Variants in DPYD observed in about 807,000 individuals in gnomAD.
DPYD encodes the protein dihydropyrimidine dehydrogenase [NADP(+)].
In DPYD, 109 loss-of-function variants were observed where a neutral mutation model predicts 116.2. The ratio of observed to expected loss-of-function variants is 0.94; its 90% confidence interval spans 0.80 to 1.10. The LOEUF (loss-of-function observed/expected upper bound fraction) is 1.10, where lower values mean the gene tolerates loss of function less well. Ranked by LOEUF, DPYD falls within the 50% of genes least tolerant of loss-of-function variation. DPYD has a pLI of 0.00. For synonymous variants in DPYD, 440 were observed against 432.0 expected, an observed-to-expected ratio of 1.02 and a Z score of -0.23; for missense variants, 1,302 against 1,254.5, an observed-to-expected ratio of 1.04 and a Z score of -0.57.
intron 8 of DPYD, among the ~76,000 whole-genome samples, chr1:97,603,460 G>C (rs977509853): frequency 1.3e-5 from 2 of 151,738 alleles, no homozygotes; most frequent in African/African-American, 2.4e-5. Context: ...TATCTCCATC[G>C]ACATACATAA....
chr1:97,495,001 G>A (rs961906200), intron 13 of DPYD, among the ~76,000 whole-genome samples: 4 of 152,178 alleles, frequency 2.6e-5, no homozygotes, highest in South Asian at 2.1e-4. Flanking sequence ...AGTAATGAGC[G>A]GCCTGCGCAT....
At chr1:97,278,153 G>A (rs1475834505) in intron 18 of DPYD, among the ~76,000 whole-genome samples, 1 of 152,144 alleles carries the variant, frequency 6.6e-6, no homozygotes, top group Non-Finnish European at 1.5e-5. Flanking sequence ...TCTCTTGATT[G>A]CAGCTTAATA....
chr1:97,883,425 G>A lies in DPYD; in HGVS notation c.40-51C>T, dbSNP rs778745726. On this transcript the variant is annotated intron_variant, in intron 1 of 22. Coordinates refer to ENST00000370192, the MANE Select transcript of DPYD (RefSeq NM_000110.4). ...AATATATGGAAATATGTTGGCATTT[G>A]TTTAAACTTATTTTTATTTTATTTT... 1.2e-5 allele frequency: 15 copies of A among 1,274,630 alleles called. No homozygotes were observed. The Admixed American group carries it at 1.7e-4, about 15-fold the overall frequency. The allele number at this position is 1,274,630 out of a possible 1,614,324, so 79.0% of individuals were successfully genotyped here. A position where few individuals can be genotyped will look rare whatever the true frequency, so the allele number is the denominator to read the frequency against.
chr1:97,816,824 A>C (rs1668633372), intron 3 of DPYD, among the ~76,000 whole-genome samples: 1 of 152,196 alleles, frequency 6.6e-6, no homozygotes, highest in African/African-American at 2.4e-5. Context: ...AATGTGACTT[A>C]TTCAATTTCA....
intron 20 of DPYD, among the ~76,000 whole-genome samples, chr1:97,121,874 A>G (rs901059734): frequency 1.3e-5 from 2 of 152,172 alleles, no homozygotes; most frequent in Admixed American, 6.6e-5. Context: ...CCATTATAGC[A>G]TAGGTACCAT....
At chr1:97,100,743 T>G (rs891440613) in intron 20 of DPYD, among the ~76,000 whole-genome samples, 2 of 152,112 alleles carry the variant, frequency 1.3e-5, no homozygotes, top group Non-Finnish European at 2.9e-5. Flanking sequence ...AGACAATGAA[T>G]GTAGTTAAAT....
At chr1:97,848,214 C>T (rs1670400863) in intron 2 of DPYD, among the ~76,000 whole-genome samples, 1 of 152,182 alleles carries the variant, frequency 6.6e-6, no homozygotes, top group African/African-American at 2.4e-5. Context: ...TCTCCTGCCT[C>T]AGCCTCCCTA....
chr1:97,360,904 C>T (rs1670687415), intron 16 of DPYD, among the ~76,000 whole-genome samples: 1 of 151,952 alleles, frequency 6.6e-6, no homozygotes, highest in Non-Finnish European at 1.5e-5. Flanking sequence ...ACTAGAGAAG[C>T]AAGAGCAAAC....
intron 13 of DPYD, among the ~76,000 whole-genome samples, chr1:97,453,482 C>G (rs1676527011): frequency 6.6e-6 from 1 of 151,950 alleles, no homozygotes; most frequent in African/African-American, 2.4e-5. Flanking sequence ...GAAATTTCAC[C>G]TATAACTAAT....
chr1:97,597,475 T>C (rs1654964697), intron 8 of DPYD, among the ~76,000 whole-genome samples: 1 of 152,184 alleles, frequency 6.6e-6, no homozygotes, highest in African/African-American at 2.4e-5. Context: ...TTGTATAAGT[T>C]CCTGTGAATC....
At chr1:97,287,202 G>GT (rs1378539951) in intron 18 of DPYD, among the ~76,000 whole-genome samples, 1 of 152,188 alleles carries the variant, frequency 6.6e-6, no homozygotes, top group Admixed American at 6.5e-5. Context: ...TCCAGACCCT[G>GT]TTTGCCTGGG....
chr1:97,647,822 T>A (rs920156712), intron 8 of DPYD, among the ~76,000 whole-genome samples: 1 of 152,014 alleles, frequency 6.6e-6, no homozygotes, highest in African/African-American at 2.4e-5. Flanking sequence ...TAACCAAAAT[T>A]ATGTCCAAAA....
intron 20 of DPYD, among the ~76,000 whole-genome samples, chr1:97,124,761 T>C (rs890146315): frequency 6.6e-6 from 1 of 152,144 alleles, no homozygotes; most frequent in Non-Finnish European, 1.5e-5. Context: ...TATTTGTGCA[T>C]CCACACAGTG....
intron 12 of DPYD, among the ~76,000 whole-genome samples, chr1:97,533,732 T>A (rs1333448111): frequency 2.0e-5 from 3 of 152,232 alleles, no homozygotes; most frequent in African/African-American, 7.2e-5. Context: ...TACTTGCTCT[T>A]GTGTTAACCT....
chr1:97,409,853 G>A (rs868309488), intron 14 of DPYD, among the ~76,000 whole-genome samples: 3 of 152,030 alleles, frequency 2.0e-5, no homozygotes, highest in Non-Finnish European at 1.5e-5. Context: ...TGAGGCAAGC[G>A]GATCACCTGA....
chr1:97,289,875 T>C (rs200071682), intron 18 of DPYD, among the ~76,000 whole-genome samples: 37,557 of 149,846 alleles, frequency 0.25, 5,465 homozygotes, highest in Admixed American at 0.39. Context: ...GGGTATTCAA[T>C]TAGGAAAAGA....
intron 13 of DPYD, among the ~76,000 whole-genome samples, chr1:97,479,896 C>A (rs746239871): frequency 8.5e-5 from 13 of 152,162 alleles, no homozygotes; most frequent in South Asian, 4.1e-4. Flanking sequence ...GGCAATGTGT[C>A]CAATTTAAAA....
chr1:97,911,929 T>G (rs980147544), intron 1 of DPYD, among the ~76,000 whole-genome samples: 1 of 151,964 alleles, frequency 6.6e-6, no homozygotes, highest in African/African-American at 2.4e-5. Context: ...CAGAAAAAAT[T>G]AGGAACCATG....
At chr1:97,157,811 T>C (rs565580486) in intron 20 of DPYD, among the ~76,000 whole-genome samples, 1 of 152,238 alleles carries the variant, frequency 6.6e-6, no homozygotes, top group South Asian at 2.1e-4. Context: ...TCCTTTACTT[T>C]TGACACTTTT....
Sources: allele counts gnomAD v4.1 joint callset (sites outside exome capture counted in the v4.1 genomes callset), GRCh38; gene constraint gnomAD v4.1.1; transcripts MANE v1.5; gene names NCBI Gene and HGNC (gene_info 2026-07-23, HGNC 2026-07-21).